The following JAK2 variants were observed in gnomAD, a reference collection of about 807,000 sequenced individuals.
The protein encoded by JAK2 is tyrosine-protein kinase JAK2.
JAK2 carries 86 observed loss-of-function variants against 139.3 expected under a neutral mutation model. The ratio of observed to expected loss-of-function variants is 0.62; its 90% CI spans 0.52 to 0.74. The LOEUF (loss-of-function observed/expected upper bound fraction) is 0.74, where lower values mean the gene tolerates loss of function less well. Among genes scored for constraint, JAK2 ranks in the 30% least tolerant of loss-of-function variants. The probability of loss-of-function intolerance (pLI) is 0.00; values close to 1 mark genes in which losing one functional copy is unlikely to be tolerated. For synonymous variants in JAK2, 490 were observed against 437.7 expected (o/e 1.12, Z -1.49); for missense variants, 1,421 against 1,360.3 (o/e 1.04, Z -0.70).
chr9:5,117,958 T>G (rs1253528892), intron 22 of JAK2, among the ~76,000 whole-genome samples: 1 of 152,238 alleles, frequency 6.6e-6, no homozygotes, highest in Admixed American at 6.5e-5. Context: ...AACCACATCC[T>G]CTTACACATT....
chr9:5,060,420 A>C (rs770665445), intron 8 of JAK2, among the ~76,000 whole-genome samples: 3 of 152,204 alleles, frequency 2.0e-5, no homozygotes, highest in Non-Finnish European at 4.4e-5. Flanking sequence ...AGTCCTCTCA[A>C]ACCCTGCCAC....
At chr9:5,005,220 G>T (rs1821217288) in intron 2 of JAK2, among the ~76,000 whole-genome samples, 2 of 147,462 alleles carry the variant, frequency 1.4e-5, no homozygotes, top group South Asian at 4.3e-4. Flanking sequence ...AAAGTTTTGG[G>T]ATTACAGGGT....
chr9:5,092,005 G>A (rs772210281), intron 22 of JAK2, among the ~76,000 whole-genome samples: 22 of 152,110 alleles, frequency 1.4e-4, no homozygotes, highest in Non-Finnish European at 2.9e-4. Flanking sequence ...CGATTGCTAG[G>A]TGCTGAACTG....
At chr9:5,091,045 CTTT>C (rs929411025) in intron 22 of JAK2, 134 bp downstream of exon 22, 4 of 529,458 alleles carry the variant, frequency 7.6e-6, no homozygotes, top group Non-Finnish European at 1.3e-5. Flanking sequence ...TTACATTTAA[CTTT>C]TTTTTTTTAG....
chr9:5,002,756 C>G (rs1820999820), intron 2 of JAK2, among the ~76,000 whole-genome samples: 2 of 151,906 alleles, frequency 1.3e-5, no homozygotes, highest in South Asian at 4.1e-4. Context: ...TTATTTCCCT[C>G]TTTACATTTT....
intron 2 of JAK2, among the ~76,000 whole-genome samples, chr9:4,987,963 T>G (rs1238689028): frequency 1.3e-5 from 2 of 152,110 alleles, no homozygotes; most frequent in Non-Finnish European, 2.9e-5. Flanking sequence ...GTTTCCTCCT[T>G]TCTAGTATAA....
intron 4 of JAK2, 43 bp downstream of exon 4, chr9:5,029,949 A>G: frequency 1.3e-6 from 2 of 1,512,572 alleles, no homozygotes; most frequent in Non-Finnish European, 1.8e-6. Flanking sequence ...CTAAAAGGCA[A>G]AATGGGAGAA....
rs755056448 is a variant in JAK2, at chr9:5,054,867, G to A, written c.919G>A (p.Glu307Lys). The A allele has an allele frequency of 3.7e-6, 6 of 1,603,258 alleles. No homozygotes were observed. Among genetic ancestry groups the A allele is most frequent in the South Asian group, 3.3e-5 (3 of 89,878 alleles). Residue 307 changes from glutamate to lysine, a missense_variant, in exon 7 of 25, where the codon GAG (glutamate) becomes AAG (lysine). By Grantham distance (56) the Glu-to-Lys change is moderately conservative. Coordinates refer to ENST00000381652, the MANE Select transcript of JAK2 (RefSeq NM_004972.4). The surrounding 1 kb of genome is among the most constrained non-coding windows in gnomAD (Gnocchi z 4.9). ...QWSRGKHKES[E>K]TLTEQDLQLY... Reference sequence around the variant, plus strand: ...GTCAAGAGGGAAACATAAAGAAAGTGAGACACTGACAGAACAGGTAATCCT... The same window carrying A: ...GTCAAGAGGGAAACATAAAGAAAGTAAGACACTGACAGAACAGGTAATCCT...
chr9:5,085,984 A>G, intron 19 of JAK2: 2 of 977,908 alleles, frequency 2.0e-6, no homozygotes, highest in Non-Finnish European at 3.3e-6. Flanking sequence ...GTTTTGCTGT[A>G]CGGGGTTGTG....
chr9:5,042,298 C>T (rs1057020636), intron 4 of JAK2, among the ~76,000 whole-genome samples: 1 of 151,546 alleles, frequency 6.6e-6, no homozygotes, highest in Non-Finnish European at 1.5e-5. Flanking sequence ...CCACCGCGCC[C>T]GGCTAATTTT....
rs1817345678 is a variant in JAK2 at position 5,050,580 on chromosome 9, C to T, written c.469-106C>T. ...GCCACTGAGCCTGGCCAATTTGTAT[C>T]TTGTAAATGCATATGTTCTGAAAAT... On this transcript the variant is annotated intron_variant, in intron 5 of 24. Transcript: ENST00000381652. 5 of 1,202,456 alleles carry T rather than the reference C, an allele frequency of 4.2e-6. No individual in the cohort carries two copies. In the South Asian group the frequency reaches 7.4e-5, roughly 18 times the overall value. 74.5% of individuals were successfully genotyped at this position (1,202,456 alleles called of 1,614,324 possible). A position where few individuals can be genotyped will look rare whatever the true frequency, so the allele number is the denominator to read the frequency against.
intron 22 of JAK2, chr9:5,109,882 T>C (rs757553098): frequency 2.0e-5 from 3 of 152,208 alleles, no homozygotes; most frequent in Non-Finnish European, 4.4e-5. Context: ...CTCTTTCAAC[T>C]CTTTATCGGA....
Position 5,078,824 on chromosome 9 carries a change from C to T in JAK2, c.2131+380C>T, listed in dbSNP as rs1040045230. Among the ~76,000 whole-genome samples, 3 of 151,814 alleles carry T rather than the reference C, an allele frequency of 2.0e-5. No individual in the cohort carries two copies. The South Asian group carries it at 6.2e-4, about 32-fold the overall frequency. ...TGAGATTTTAGGATTTTTTTCTATC[C>T]TCTGTGAAGAAATTAGTTTAATTAT... On this transcript the variant is annotated intron_variant, in intron 16 of 24. Coordinates refer to ENST00000381652, the MANE Select transcript of JAK2 (RefSeq NM_004972.4).
chr9:5,030,050 A>T (rs977661032), intron 4 of JAK2, 144 bp downstream of exon 4: 2 of 654,114 alleles, frequency 3.1e-6, no homozygotes, highest in South Asian at 2.6e-5. Flanking sequence ...TTAAGATTCT[A>T]TTCTGTTTCT....
intron 3 of JAK2, among the ~76,000 whole-genome samples, chr9:5,025,830 C>A (rs891667113): frequency 1.2e-4 from 19 of 152,148 alleles, no homozygotes; most frequent in Admixed American, 1.2e-3. Context: ...GAATCTATTT[C>A]TTTAATGGTT....
intron 22 of JAK2, among the ~76,000 whole-genome samples, chr9:5,117,349 G>A (rs1823274048): frequency 6.6e-6 from 1 of 152,204 alleles, no homozygotes; most frequent in Non-Finnish European, 1.5e-5. Context: ...TTATCCAGGG[G>A]AATAACATGG....
intron 2 of JAK2, among the ~76,000 whole-genome samples, chr9:5,017,036 C>T (rs1822112639): frequency 6.6e-6 from 1 of 152,166 alleles, no homozygotes; most frequent in Non-Finnish European, 1.5e-5. Flanking sequence ...TATTGCAGAA[C>T]ATTGCTGCTA....
chr9:5,105,037 C>T (rs1449904472), intron 22 of JAK2, among the ~76,000 whole-genome samples: 2 of 152,112 alleles, frequency 1.3e-5, no homozygotes, highest in East Asian at 3.8e-4. Context: ...CTATTCAACA[C>T]TGTGTTAGAA....
intron 18 of JAK2, 30 bp downstream of exon 18, chr9:5,080,713 C>A (rs2130610066): frequency 6.8e-7 from 1 of 1,467,070 alleles, no homozygotes; most frequent in East Asian, 2.4e-5. Context: ...TATTGATTTT[C>A]CAGCTTTCTA....
Sources: allele counts gnomAD v4.1 joint callset (sites outside exome capture counted in the v4.1 genomes callset), GRCh38; gene constraint gnomAD v4.1.1; non-coding constraint Gnocchi (gnomAD v3.1); transcripts MANE v1.5; gene names NCBI Gene and HGNC (gene_info 2026-07-23, HGNC 2026-07-21).